PEX14: variants seen among roughly 807,000 people sequenced by gnomAD.
The protein encoded by PEX14 is peroxisomal membrane protein PEX14.
Under a neutral mutation model 49.5 loss-of-function variants are expected in PEX14, and 15 were observed. That is an observed-to-expected ratio of 0.30 (90% CI 0.20 to 0.47). The LOEUF (loss-of-function observed/expected upper bound fraction) is 0.47. Among genes scored for constraint, PEX14 ranks in the 20% least tolerant of loss-of-function variants. PEX14 has a pLI of 1.00. For missense variants in PEX14, 398 were observed against 494.8 expected, an observed-to-expected ratio of 0.80 and a Z score of 1.86; for synonymous variants, 210 against 212.7, an observed-to-expected ratio of 0.99 and a Z score of 0.11.
chr1:10,484,331 T>C (rs2781232), intron 1 of PEX14, among the ~76,000 whole-genome samples: 114,971 of 151,492 alleles, frequency 0.76, 44,396 homozygotes, highest in African/African-American at 0.9. Flanking sequence ...AGTCACTGCG[T>C]CCAGCCAATT....
Position 10,600,157 on chromosome 1 carries a change from C to T in PEX14, c.298+791C>T, listed in dbSNP as rs552649962. On this transcript the variant is annotated intron_variant, in intron 4 of 8. Transcript: ENST00000356607. ...GCATTGGGCCGGGCACGTTGGCTCA[C>T]GCCTCTAATCCCTGCACTTTGGGAG... Among the ~76,000 whole-genome samples the T allele has an allele frequency of 5.3e-5, 8 of 152,364 alleles. No individual in the cohort carries two copies. In the East Asian group the frequency reaches 7.7e-4, roughly 15 times the overall value.
intron 2 of PEX14, among the ~76,000 whole-genome samples, chr1:10,520,153 T>TTTTTTTTTG (rs1553185428): frequency 2.2e-5 from 2 of 91,914 alleles, no homozygotes; most frequent in Non-Finnish European, 2.4e-5. Flanking sequence ...TTCTTCTTTT[T>TTTTTTTTTG]TTTTTTTTTG....
At chr1:10,563,407 C>T (rs1432749165) in intron 3 of PEX14, among the ~76,000 whole-genome samples, 1 of 147,458 alleles carries the variant, frequency 6.8e-6, no homozygotes, top group African/African-American at 2.5e-5. Flanking sequence ...TGAGACCAGC[C>T]TGACCAACAT....
chr1:10,495,145 G>T lies in PEX14; in HGVS notation c.37-129G>T. The T allele has an allele frequency of 6.4e-7, 1 of 1,556,678 alleles. No individual in the cohort carries two copies. Among genetic ancestry groups the T allele is most frequent in the Non-Finnish European group, 8.7e-7 (1 of 1,148,142 alleles). The stretch of plus-strand genomic sequence containing the variant: ...GTCCACTGCAAAATACTCTTGTGTC[G>T]TGAAAAACCAGTGAGAGATGTGAGA... On this transcript the variant is annotated intron_variant, in intron 1 of 8. Coordinates refer to ENST00000356607, the MANE Select transcript of PEX14 (RefSeq NM_004565.3). This position sits in a 1 kb window ranked among gnomAD's most constrained non-coding sequence, Gnocchi z 4.2.
intron 4 of PEX14, among the ~76,000 whole-genome samples, chr1:10,601,154 C>CA: frequency 6.7e-6 from 1 of 150,152 alleles, no homozygotes; most frequent in East Asian, 2.0e-4. Context: ...CCCAGCTACT[C>CA]AGGAGGCTGA....
chr1:10,552,065 C>T (rs1639349226), intron 3 of PEX14, among the ~76,000 whole-genome samples: 1 of 151,942 alleles, frequency 6.6e-6, no homozygotes, highest in Admixed American at 6.6e-5. Flanking sequence ...TGCACTCCAG[C>T]CTGGGCGACA....
At chr1:10,554,724 T>TC (rs2124517340) in intron 3 of PEX14, among the ~76,000 whole-genome samples, 1 of 151,802 alleles carries the variant, frequency 6.6e-6, no homozygotes, top group African/African-American at 2.4e-5. Context: ...TTTTTTCTTT[T>TC]TTTTTTAAAG....
intron 1 of PEX14, among the ~76,000 whole-genome samples, chr1:10,490,465 G>A (rs1641451537): frequency 6.6e-6 from 1 of 152,216 alleles, no homozygotes; most frequent in South Asian, 2.1e-4. Flanking sequence ...TCCAGTTGGG[G>A]AAGGTCAGCG....
intron 3 of PEX14, among the ~76,000 whole-genome samples, chr1:10,594,363 C>G (rs959769483): frequency 7.9e-5 from 12 of 152,082 alleles, no homozygotes; most frequent in African/African-American, 2.7e-4. Context: ...CCATGAGTCC[C>G]AGATGAATTG....
At chr1:10,612,172 A>G (rs1246282232) in intron 4 of PEX14, among the ~76,000 whole-genome samples, 1 of 152,176 alleles carries the variant, frequency 6.6e-6, no homozygotes, top group Admixed American at 6.5e-5. Context: ...TGTGTATGGT[A>G]TAAGGTGAGA....
chr1:10,615,879 G>T (rs1002328502), intron 4 of PEX14, among the ~76,000 whole-genome samples: 1 of 152,262 alleles, frequency 6.6e-6, no homozygotes, highest in Non-Finnish European at 1.5e-5. Flanking sequence ...AAGGATAAAT[G>T]TAAGACTACT....
At chr1:10,497,578 G>A (rs1009288317) in intron 2 of PEX14, among the ~76,000 whole-genome samples, 2 of 152,196 alleles carry the variant, frequency 1.3e-5, no homozygotes, top group African/African-American at 2.4e-5. Context: ...AACTGCACAC[G>A]ACTGTATGTA....
intron 3 of PEX14, among the ~76,000 whole-genome samples, chr1:10,548,429 ATC>A (rs1314315809): frequency 6.6e-6 from 1 of 152,208 alleles, no homozygotes; most frequent in Admixed American, 6.5e-5. Context: ...ACATAAGGCA[ATC>A]TCTACTGAAA....
At chr1:10,566,279 A>C (rs145528256) in intron 3 of PEX14, among the ~76,000 whole-genome samples, 149 of 152,350 alleles carry the variant, frequency 9.8e-4, no homozygotes, top group Non-Finnish European at 2.0e-3. Context: ...CCGTATCTAC[A>C]AATTGACTAT....
intron 3 of PEX14, among the ~76,000 whole-genome samples, chr1:10,581,416 C>G (rs1189682689): frequency 6.7e-6 from 1 of 148,932 alleles, no homozygotes; most frequent in Non-Finnish European, 1.5e-5. Flanking sequence ...AAGCAATTCT[C>G]TGTCTCAGCC....
rs1382035317 is a variant in PEX14, at chr1:10,539,039, A to C, written c.169+2742A>C. 6.6e-6 allele frequency among the ~76,000 whole-genome samples: 1 copy of C among 152,142 alleles called. No homozygotes were observed. The highest frequency in any genetic ancestry group is 1.5e-5 in the Non-Finnish European group (1 of 68,034). On this transcript the variant is annotated intron_variant, in intron 3 of 8. Transcript: ENST00000356607. The surrounding 1 kb of genome is among the most constrained non-coding windows in gnomAD (Gnocchi z 4.6). ...AATATTATTTAATATTTAATATAGA[A>C]ATTGAGGTCCCTGTAGTGCATGTCA... is the stretch of plus-strand genomic sequence containing the variant.
intron 3 of PEX14, among the ~76,000 whole-genome samples, chr1:10,594,213 A>G (rs1413777764): frequency 1.3e-5 from 2 of 152,072 alleles, no homozygotes; most frequent in Non-Finnish European, 1.5e-5. Context: ...CCCTCCCTGA[A>G]CCTTTTCTGA....
chr1:10,611,293 A>C (rs1641271710), intron 4 of PEX14, among the ~76,000 whole-genome samples: 1 of 152,190 alleles, frequency 6.6e-6, no homozygotes, highest in African/African-American at 2.4e-5. Context: ...ATTAATAGCC[A>C]TTCTTAGCTC....
intron 3 of PEX14, among the ~76,000 whole-genome samples, chr1:10,573,293 A>G (rs914289188): frequency 3.9e-5 from 6 of 152,242 alleles, no homozygotes; most frequent in Admixed American, 6.5e-5. Context: ...TTTAAAGTGT[A>G]CAGGCTTTTT....
Sources: allele counts gnomAD v4.1 joint callset (sites outside exome capture counted in the v4.1 genomes callset), GRCh38; gene constraint gnomAD v4.1.1; non-coding constraint Gnocchi (gnomAD v3.1); transcripts MANE v1.5; gene names NCBI Gene and HGNC (gene_info 2026-07-23, HGNC 2026-07-21).